Variants in FOXN3 observed in about 807,000 individuals in gnomAD.
The protein encoded by FOXN3 is forkhead box protein N3.
FOXN3 carries 7 observed loss-of-function variants against 38.4 expected under a neutral mutation model. The ratio of observed to expected loss-of-function variants is 0.18; its 90% CI spans 0.10 to 0.34. The LOEUF (loss-of-function observed/expected upper bound fraction) is 0.34, where lower values mean the gene tolerates loss of function less well. Among genes scored for constraint, FOXN3 ranks in the 10% least tolerant of loss-of-function variants. The pLI is 1.00. For missense variants in FOXN3, 456 were observed against 613.4 expected, an observed-to-expected ratio of 0.74 and a Z score of 2.71; for synonymous variants, 230 against 242.2, an observed-to-expected ratio of 0.95 and a Z score of 0.47.
Position 89,355,444 on chromosome 14 carries a change from C to T in FOXN3, c.544-4636G>A, listed in dbSNP as rs1234912555. ...TAGAGACGGGGTTTCGCCATATTGG[C>T]CAGGCTGGTCTCGAACTCCTGACCT... On this transcript the variant is annotated intron_variant, in intron 2 of 5. Transcript: ENST00000557258. Among the ~76,000 whole-genome samples the T allele has an allele frequency of 2.0e-5, 3 of 151,876 alleles. No homozygotes were observed. The East Asian group carries it at 5.8e-4, about 29-fold the overall frequency.
intron 5 of FOXN3, among the ~76,000 whole-genome samples, chr14:89,169,438 T>C (rs1887329361): frequency 6.6e-6 from 1 of 151,674 alleles, no homozygotes; most frequent in Non-Finnish European, 1.5e-5. Flanking sequence ...TGAGACCCTG[T>C]CTCAAAAAAG....
chr14:89,230,628 G>T, intron 4 of FOXN3: 1 of 231,144 alleles, frequency 4.3e-6, no homozygotes. Flanking sequence ...CATATTTATT[G>T]TTTCTTGTCT....
chr14:89,336,137 TACACACACACACACACACACAC>T (rs34950734), intron 3 of FOXN3, among the ~76,000 whole-genome samples: 2 of 140,020 alleles, frequency 1.4e-5, no homozygotes, highest in African/African-American at 5.3e-5. Context: ...AAGTGATCCT[TACACACACACACACACACACAC>T]ACACACACAC....
At chr14:89,205,368 C>T (rs533947397) in intron 4 of FOXN3, among the ~76,000 whole-genome samples, 8 of 152,258 alleles carry the variant, frequency 5.3e-5, no homozygotes, top group Admixed American at 3.9e-4. Context: ...GGGTCCCTGG[C>T]GAGGGCTCCA....
chr14:89,278,651 T>A (rs931992850), intron 4 of FOXN3, among the ~76,000 whole-genome samples: 8 of 152,194 alleles, frequency 5.3e-5, no homozygotes, highest in African/African-American at 1.7e-4. Flanking sequence ...AGAATTGCCA[T>A]CTTTGGGGAC....
At chr14:89,448,128 A>G (rs542720571) in intron 1 of FOXN3, among the ~76,000 whole-genome samples, 2 of 152,214 alleles carry the variant, frequency 1.3e-5, no homozygotes, top group African/African-American at 4.8e-5. Context: ...TTCTTCTTAC[A>G]TGTACACATT....
chr14:89,295,020 C>T (rs1886993303), intron 3 of FOXN3, among the ~76,000 whole-genome samples: 1 of 152,104 alleles, frequency 6.6e-6, no homozygotes, highest in Non-Finnish European at 1.5e-5. Flanking sequence ...GGGTGAGAGC[C>T]AATCGGTGCT....
At chr14:89,260,919 T>A (rs1341097865) in intron 4 of FOXN3, among the ~76,000 whole-genome samples, 1 of 152,244 alleles carries the variant, frequency 6.6e-6, no homozygotes, top group Admixed American at 6.5e-5. Context: ...ATAAAATTCA[T>A]TAAAAACTAT....
intron 2 of FOXN3, among the ~76,000 whole-genome samples, chr14:89,396,076 T>C (rs957729124): frequency 6.6e-6 from 1 of 152,160 alleles, no homozygotes; most frequent in South Asian, 2.1e-4. Context: ...CAGAGACTCA[T>C]TCGAAGGCTA....
chr14:89,181,933 C>T lies in FOXN3; in HGVS notation c.746-1127G>A, dbSNP rs548913609. On this transcript the variant is annotated intron_variant, in intron 4 of 5. Transcript: ENST00000557258. ...TGCAGGTCTGTGGATCTCTGTTTCC[C>T]TCTCCGAACACTGTTCTTCTAAGAC... Among the ~76,000 whole-genome samples the T allele has an allele frequency of 5.6e-4, 86 of 152,268 alleles. No individual in the cohort carries two copies. In the South Asian group the frequency reaches 6.0e-3, roughly 11 times the overall value.
At chr14:89,406,045 C>T (rs897797012) in intron 2 of FOXN3, among the ~76,000 whole-genome samples, 2 of 152,126 alleles carry the variant, frequency 1.3e-5, no homozygotes, top group African/African-American at 2.4e-5. Flanking sequence ...GCTCTGTCAC[C>T]AGGCGATCTT....
chr14:89,528,052 T>C (rs1446525000), intron 1 of FOXN3, among the ~76,000 whole-genome samples: 5 of 152,206 alleles, frequency 3.3e-5, no homozygotes, highest in Non-Finnish European at 7.3e-5. Flanking sequence ...GGAACTCTCA[T>C]ACCCTGCTGG....
chr14:89,609,256 T>C (rs1020181564), intron 1 of FOXN3, among the ~76,000 whole-genome samples: 2 of 152,078 alleles, frequency 1.3e-5, no homozygotes, highest in African/African-American at 2.4e-5. Flanking sequence ...AGCTGGAGTG[T>C]AGTGGCGCAA....
chr14:89,546,909 A>T (rs1410267284), intron 1 of FOXN3, among the ~76,000 whole-genome samples: 1 of 151,764 alleles, frequency 6.6e-6, no homozygotes, highest in Non-Finnish European at 1.5e-5. Context: ...TCAGCCTCCC[A>T]GATAGCTGGA....
At chr14:89,377,698 G>T (rs1890525178) in intron 2 of FOXN3, among the ~76,000 whole-genome samples, 1 of 152,236 alleles carries the variant, frequency 6.6e-6, no homozygotes, top group African/African-American at 2.4e-5. Context: ...TTATTGCAGA[G>T]AGAACCTGCC....
At chr14:89,414,428 A>G (rs1321263868) in intron 1 of FOXN3, among the ~76,000 whole-genome samples, 1 of 152,246 alleles carries the variant, frequency 6.6e-6, no homozygotes, top group Non-Finnish European at 1.5e-5. Flanking sequence ...TCTAGAAGGC[A>G]TAATCCTGGG....
intron 1 of FOXN3, among the ~76,000 whole-genome samples, chr14:89,476,665 A>G (rs1893216250): frequency 6.6e-6 from 1 of 152,236 alleles, no homozygotes; most frequent in African/African-American, 2.4e-5. Context: ...AGCGATTAAG[A>G]GTCACCTCTG....
chr14:89,195,777 G>A lies in FOXN3; in HGVS notation c.746-14971C>T, dbSNP rs1888083302. Among the ~76,000 whole-genome samples, 3 of 152,122 alleles carry A rather than the reference G, an allele frequency of 2.0e-5. No individual in the cohort carries two copies. The South Asian group carries it at 6.2e-4, about 32-fold the overall frequency. The stretch of plus-strand genomic sequence containing the variant: ...TCAGGGGAATGAAGTGAGACAGGGG[G>A]GTACGAGAGAACAAGCAAGTGCCAC... On this transcript the variant is annotated intron_variant, in intron 4 of 5. Coordinates refer to ENST00000557258, the MANE Select transcript of FOXN3 (RefSeq NM_005197.4).
intron 1 of FOXN3, among the ~76,000 whole-genome samples, chr14:89,515,270 C>T (rs1894178719): frequency 6.6e-6 from 1 of 152,074 alleles, no homozygotes; most frequent in African/African-American, 2.4e-5. Flanking sequence ...ATCTACAGTC[C>T]ACTTTGGGCA....
Sources: allele counts gnomAD v4.1 joint callset (sites outside exome capture counted in the v4.1 genomes callset), GRCh38; gene constraint gnomAD v4.1.1; transcripts MANE v1.5; gene names NCBI Gene and HGNC (gene_info 2026-07-23, HGNC 2026-07-21).